CCBE1: variants seen among roughly 807,000 people sequenced by gnomAD.
CCBE1 encodes collagen and calcium binding EGF domains 1.
Under a neutral mutation model 50.0 loss-of-function variants are expected in CCBE1, and 37 were observed. The ratio of observed to expected loss-of-function variants is 0.74; its 90% CI spans 0.57 to 0.97. CCBE1 has a LOEUF of 0.97. Among genes scored for constraint, CCBE1 ranks in the 50% least tolerant of loss-of-function variants. The pLI is 0.00. For synonymous variants in CCBE1, 234 were observed against 203.7 expected, an observed-to-expected ratio of 1.15 and a Z score of -1.27; for missense variants, 538 against 523.8, an observed-to-expected ratio of 1.03 and a Z score of -0.26.
At chr18:59,443,242 C>T (rs937934506) in intron 7 of CCBE1, among the ~76,000 whole-genome samples, 9 of 152,190 alleles carry the variant, frequency 5.9e-5, no homozygotes, top group Non-Finnish European at 1.3e-4. Flanking sequence ...CGCTTCCCCA[C>T]TTGTGTGTGG....
chr18:59,588,408 G>GA (rs954118241), intron 2 of CCBE1, among the ~76,000 whole-genome samples: 10 of 151,574 alleles, frequency 6.6e-5, no homozygotes, highest in African/African-American at 2.4e-4. Context: ...TATAAAGAAA[G>GA]AAAAAAAAGA....
intron 2 of CCBE1, among the ~76,000 whole-genome samples, chr18:59,692,886 A>G (rs2054751667): frequency 2.5e-5 from 1 of 40,502 alleles, no homozygotes; most frequent in Non-Finnish European, 7.8e-5. Flanking sequence ...TGAACCCCAA[A>G]GCCAAAATCA....
Position 59,697,386 on chromosome 18 carries a change from A to G in CCBE1, c.-44T>C. ...CTTCCCAGCGCCGAGCTCCGTCCGG[A>G]CCAAGCGTCCTGCTCCTCCGCGGCC... On this transcript the variant is annotated 5_prime_UTR_variant, in exon 1 of 11. Transcript: ENST00000439986. 4 of 1,534,732 alleles carry G rather than the reference A, an allele frequency of 2.6e-6. No homozygotes were observed. Among genetic ancestry groups the G allele is most frequent in the Non-Finnish European group, 3.5e-6 (4 of 1,142,316 alleles).
intron 2 of CCBE1, among the ~76,000 whole-genome samples, chr18:59,650,307 A>G (rs1335674719): frequency 6.6e-6 from 1 of 150,952 alleles, no homozygotes. Flanking sequence ...CAAGCCCAGC[A>G]CACCCAAAAA....
At chr18:59,521,537 T>C (rs1307093061) in intron 2 of CCBE1, among the ~76,000 whole-genome samples, 1 of 152,196 alleles carries the variant, frequency 6.6e-6, no homozygotes, top group African/African-American at 2.4e-5. Flanking sequence ...ATCCAAGGCC[T>C]CTTCTGTGGA....
chr18:59,635,644 A>T (rs1021919236), intron 2 of CCBE1, among the ~76,000 whole-genome samples: 3 of 152,148 alleles, frequency 2.0e-5, no homozygotes, highest in African/African-American at 7.2e-5. Flanking sequence ...AACAATAGAC[A>T]TGAAGGTGAT....
intron 5 of CCBE1, among the ~76,000 whole-genome samples, chr18:59,456,245 T>A (rs1346618680): frequency 2.0e-5 from 3 of 152,226 alleles, no homozygotes; most frequent in Non-Finnish European, 4.4e-5. Context: ...GTATCTCACG[T>A]AATGGATGCT....
intron 2 of CCBE1, among the ~76,000 whole-genome samples, chr18:59,592,754 G>C (rs761399830): frequency 2.0e-5 from 3 of 152,252 alleles, no homozygotes; most frequent in South Asian, 4.2e-4. Context: ...ATATAGTTTT[G>C]TTTAGTTTTG....
intron 3 of CCBE1, among the ~76,000 whole-genome samples, chr18:59,479,183 C>T (rs999631858): frequency 2.0e-5 from 3 of 152,194 alleles, no homozygotes; most frequent in African/African-American, 7.2e-5. Flanking sequence ...ACCCACCTCA[C>T]CCTAGCCCTG....
chr18:59,614,158 G>C (rs759806557), intron 2 of CCBE1, among the ~76,000 whole-genome samples: 5 of 151,906 alleles, frequency 3.3e-5, no homozygotes, highest in Non-Finnish European at 5.9e-5. Context: ...GCCACACACC[G>C]CCATGCCCCG....
chr18:59,480,164 A>G (rs1375655073), intron 3 of CCBE1, 22 bp downstream of exon 3: 7 of 1,476,344 alleles, frequency 4.7e-6, no homozygotes, highest in Non-Finnish European at 6.6e-6. Context: ...AAGTCAGACA[A>G]TATCTTTTTT....
At chr18:59,611,621 C>G (rs750791848) in intron 2 of CCBE1, among the ~76,000 whole-genome samples, 1 of 152,156 alleles carries the variant, frequency 6.6e-6, no homozygotes, top group South Asian at 2.1e-4. Context: ...TGGCATGTGC[C>G]TGTAATCCCG....
intron 5 of CCBE1, among the ~76,000 whole-genome samples, chr18:59,461,103 C>A (rs895007): frequency 0.24 from 36,591 of 152,028 alleles, 5,422 homozygotes; most frequent in East Asian, 0.48. Context: ...GTTCAACCTT[C>A]TCATTTACAG....
At chr18:59,534,051 C>T (rs532661672) in intron 2 of CCBE1, among the ~76,000 whole-genome samples, 21 of 152,138 alleles carry the variant, frequency 1.4e-4, no homozygotes, top group Admixed American at 1.4e-3. Context: ...CCATAACCAC[C>T]CTGTTCCTCC....
At position 59,664,154 on chromosome 18, in the gene CCBE1, C is replaced by G. The variant is rs151292481; in HGVS notation, c.212+32475G>C. Among the ~76,000 whole-genome samples, 9 of 152,188 alleles carry G rather than the reference C, an allele frequency of 5.9e-5. No individual in the cohort carries two copies. In the East Asian group the frequency reaches 7.7e-4, roughly 13 times the overall value. ...GCTGAGTTCTCGTTATATCTTCACA[C>G]GGAAGGACAAGGCAGCCCTATAGGG... is the stretch of plus-strand genomic sequence containing the variant. On this transcript the variant is annotated intron_variant, in intron 2 of 10. Coordinates refer to ENST00000439986, the MANE Select transcript of CCBE1 (RefSeq NM_133459.4).
At chr18:59,457,505 C>T (rs1212115304) in intron 5 of CCBE1, among the ~76,000 whole-genome samples, 1 of 152,130 alleles carries the variant, frequency 6.6e-6, no homozygotes, top group African/African-American at 2.4e-5. Context: ...GATGACTGGG[C>T]AAGGTAATGC....
At chr18:59,439,626 A>G in intron 8 of CCBE1, 48 bp from the exon 9 acceptor site, 1 of 1,614,264 alleles carries the variant, frequency 6.2e-7, no homozygotes, top group Non-Finnish European at 8.5e-7. Context: ...AGCATGGGAC[A>G]AAAACACATT....
intron 2 of CCBE1, among the ~76,000 whole-genome samples, chr18:59,507,334 G>A (rs894999115): frequency 6.6e-6 from 1 of 152,162 alleles, no homozygotes; most frequent in African/African-American, 2.4e-5. Flanking sequence ...CTGTGTCGAG[G>A]TCACATCCCA....
intron 10 of CCBE1, 65 bp downstream of exon 10, chr18:59,438,046 G>C: frequency 6.4e-7 from 1 of 1,551,442 alleles, no homozygotes; most frequent in Non-Finnish European, 8.9e-7. Context: ...CCAACCTATA[G>C]GCTCATCAGA....
Sources: gnomAD v4.1 joint callset for allele counts (sites outside exome capture counted in the v4.1 genomes callset) on GRCh38, gnomAD v4.1.1 for gene constraint, MANE v1.5 for transcripts, NCBI Gene and HGNC (gene_info 2026-07-23, HGNC 2026-07-21) for gene names.